CHN2: variants seen among roughly 807,000 people sequenced by gnomAD.
CHN2 encodes the protein chimerin 2.
Under a neutral mutation model 56.3 loss-of-function variants are expected in CHN2, and 35 were observed. The ratio of observed to expected loss-of-function variants is 0.62; its 90% CI spans 0.47 to 0.82. The LOEUF (loss-of-function observed/expected upper bound fraction) is 0.82, where lower values mean the gene tolerates loss of function less well. Ranked by LOEUF, CHN2 falls within the 40% of genes least tolerant of loss-of-function variation. The pLI, the probability that CHN2 is intolerant of heterozygous loss-of-function variation, is 0.00. For synonymous variants in CHN2, 210 were observed against 212.8 expected, an observed-to-expected ratio of 0.99 and a Z score of 0.12; for missense variants, 491 against 580.5, an observed-to-expected ratio of 0.85 and a Z score of 1.58.
intron 2 of CHN2, among the ~76,000 whole-genome samples, chr7:29,174,800 C>T (rs1797060441): frequency 6.7e-6 from 1 of 149,246 alleles, no homozygotes. Flanking sequence ...GTGGAGGTTG[C>T]AGTGAGCCAA....
At chr7:29,495,733 C>T (rs565986736) in intron 7 of CHN2, among the ~76,000 whole-genome samples, 1 of 152,304 alleles carries the variant, frequency 6.6e-6, no homozygotes, top group East Asian at 1.9e-4. Context: ...TGTTTCTCCA[C>T]GTTCCTTTCT....
At chr7:29,245,066 C>G (rs1242125401) in intron 1 of CHN2, among the ~76,000 whole-genome samples, 3 of 152,228 alleles carry the variant, frequency 2.0e-5, no homozygotes, top group Non-Finnish European at 4.4e-5. Context: ...TCAGTAAGGT[C>G]TCTACCTGCA....
chr7:29,199,931 A>G (rs1392653164), intron 1 of CHN2: 1 of 152,276 alleles, frequency 6.6e-6, no homozygotes, highest in Non-Finnish European at 1.5e-5. Context: ...TTAGCTGGAC[A>G]GTGTGTTCTG....
intron 1 of CHN2, among the ~76,000 whole-genome samples, chr7:29,281,076 A>G (rs926894303): frequency 6.6e-6 from 1 of 152,250 alleles, no homozygotes; most frequent in African/African-American, 2.4e-5. Flanking sequence ...AATTAAGCAT[A>G]TGAATAAGCA....
chr7:29,188,916 C>A (rs1242315792), intron 2 of CHN2, among the ~76,000 whole-genome samples: 2 of 151,584 alleles, frequency 1.3e-5, no homozygotes. Context: ...TTTGTAGGAT[C>A]CCCCACAGCA....
intron 2 of CHN2, among the ~76,000 whole-genome samples, chr7:29,189,201 C>G (rs543361094): frequency 2.0e-5 from 3 of 152,120 alleles, no homozygotes; most frequent in African/African-American, 7.2e-5. Context: ...TCTGCCCAAC[C>G]TCAGCCTCCC....
At chr7:29,186,705 C>T (rs1276392918) in intron 2 of CHN2, among the ~76,000 whole-genome samples, 3 of 152,010 alleles carry the variant, frequency 2.0e-5, no homozygotes, top group Admixed American at 1.3e-4. Context: ...AAAGACTTCT[C>T]AACTGACTAA....
chr7:29,455,606 T>G (rs1784692631), intron 6 of CHN2, among the ~76,000 whole-genome samples: 1 of 152,158 alleles, frequency 6.6e-6, no homozygotes, highest in Non-Finnish European at 1.5e-5. Flanking sequence ...CAGATATCCA[T>G]CTTACAAGTA....
chr7:29,351,117 A>AT (rs1473115175), intron 1 of CHN2, among the ~76,000 whole-genome samples: 102 of 151,774 alleles, frequency 6.7e-4, no homozygotes, highest in African/African-American at 2.4e-3. Context: ...CAAAAAAAAA[A>AT]AAAAAAAAAA....
intron 6 of CHN2, among the ~76,000 whole-genome samples, chr7:29,462,057 T>C (rs1377276780): frequency 6.6e-6 from 1 of 152,224 alleles, no homozygotes; most frequent in Non-Finnish European, 1.5e-5. Flanking sequence ...TTTCTCATAA[T>C]AGAAAAAATA....
At chr7:29,155,647 A>G (rs1363251348) in intron 2 of CHN2, among the ~76,000 whole-genome samples, 2 of 152,200 alleles carry the variant, frequency 1.3e-5, no homozygotes, top group Non-Finnish European at 2.9e-5. Flanking sequence ...GAAGCTTGGA[A>G]TACAAGCTTT....
At chr7:29,381,910 G>A (rs1340191701) in intron 3 of CHN2, among the ~76,000 whole-genome samples, 1 of 150,990 alleles carries the variant, frequency 6.6e-6, no homozygotes, top group Non-Finnish European at 1.5e-5. Context: ...AGAAAAGCTG[G>A]TCAGAGGGCT....
chr7:29,215,491 T>C (rs1331440468), intron 1 of CHN2, among the ~76,000 whole-genome samples: 1 of 152,212 alleles, frequency 6.6e-6, no homozygotes, highest in African/African-American at 2.4e-5. Context: ...AACTCCTTAA[T>C]GCCAGGAAAG....
At position 29,398,432 on chromosome 7, in the gene CHN2, C is replaced by G. The variant is rs1344274075; in HGVS notation, c.236C>G (p.Ala79Gly). The change falls in exon 5 of 13, where the codon GCC becomes GGC. Residue 79 changes from alanine (A) to glycine (G), a missense_variant. Coordinates refer to ENST00000222792, the MANE Select transcript of CHN2 (RefSeq NM_004067.4). ...GAGCTTCTTGGAGGCGTGGAGGGTG[C>G]CTACATCCTTAGAGAAAGCCAGCGG... Reference protein sequence around the residue: ...ADELLGGVEGAYILRESQRQP... With the variant: ...ADELLGGVEGGYILRESQRQP... 1 of 1,613,648 alleles carries G rather than the reference C, an allele frequency of 6.2e-7. No homozygotes were observed. The highest frequency in any genetic ancestry group is 8.5e-7 in the Non-Finnish European group (1 of 1,179,990).
chr7:29,264,916 A>C (rs245988), intron 1 of CHN2, among the ~76,000 whole-genome samples: 81,614 of 150,738 alleles, frequency 0.54, 23,035 homozygotes, highest in East Asian at 0.95. Flanking sequence ...AAATCATTAG[A>C]CTTTTTAAAG....
rs1798684324 is a variant in CHN2, at chr7:29,360,897, A to C, written c.88+6234A>C. 3.3e-5 allele frequency among the ~76,000 whole-genome samples: 5 copies of C among 152,192 alleles called. No individual in the cohort carries two copies. The South Asian group carries it at 1.0e-3, about 32-fold the overall frequency. ...GAGTCAAGTTTTCTTACTGAAGAAA[A>C]AGTAAAACAGTCTGTCAGTGAGCTC... is the stretch of plus-strand genomic sequence containing the variant. On this transcript the variant is annotated intron_variant, in intron 2 of 12. Transcript: ENST00000222792.
chr7:29,176,584 C>T (rs1253321859), intron 2 of CHN2, among the ~76,000 whole-genome samples: 4 of 152,002 alleles, frequency 2.6e-5, no homozygotes, highest in Non-Finnish European at 5.9e-5. Flanking sequence ...AAAGGGATTA[C>T]TACTAAGACA....
intron 1 of CHN2, among the ~76,000 whole-genome samples, chr7:29,302,461 G>A (rs1793762601): frequency 1.3e-5 from 2 of 148,698 alleles, no homozygotes; most frequent in Admixed American, 6.7e-5. Context: ...GTAGCTAGGA[G>A]TACAGGCATG....
At chr7:29,285,517 AAT>A (rs746400670) in intron 1 of CHN2, among the ~76,000 whole-genome samples, 5 of 152,224 alleles carry the variant, frequency 3.3e-5, no homozygotes, top group Non-Finnish European at 5.9e-5. Context: ...CCACAGTCTA[AAT>A]ATTCTGTTTC....
Sources: allele counts gnomAD v4.1 joint callset (sites outside exome capture counted in the v4.1 genomes callset), GRCh38; gene constraint gnomAD v4.1.1; transcripts MANE v1.5; gene names NCBI Gene and HGNC (gene_info 2026-07-23, HGNC 2026-07-21).